GPHN: variants seen among roughly 807,000 people sequenced by gnomAD.
The protein encoded by GPHN is gephyrin.
Under a neutral mutation model 95.5 loss-of-function variants are expected in GPHN, and 17 were observed. The ratio of observed to expected loss-of-function variants is 0.18; its 90% CI spans 0.12 to 0.27. The LOEUF (loss-of-function observed/expected upper bound fraction) is 0.27, where lower values mean the gene tolerates loss of function less well. GPHN is among the 10% of genes least tolerant of loss of function. GPHN has a pLI of 1.00. For synonymous variants in GPHN, 320 were observed against 322.5 expected (o/e 0.99, Z 0.08); for missense variants, 660 against 978.1 (o/e 0.67, Z 4.34).
the GPHN span, among the ~76,000 whole-genome samples, chr14:67,284,675 C>T: frequency 6.8e-6 from 1 of 147,108 alleles, no homozygotes; most frequent in African/African-American, 2.5e-5. Flanking sequence ...TGGCCCTTGA[C>T]AACCACGAAT....
intron 1 of GPHN, among the ~76,000 whole-genome samples, chr14:66,611,801 A>G (rs2062792914): frequency 6.6e-6 from 1 of 152,136 alleles, no homozygotes; most frequent in South Asian, 2.1e-4. Flanking sequence ...TCTCCCTATC[A>G]TTGCCCTGTT....
chr14:66,937,461 A>T (rs1567125014), intron 8 of GPHN, among the ~76,000 whole-genome samples: 1 of 151,552 alleles, frequency 6.6e-6, no homozygotes, highest in Non-Finnish European at 1.5e-5. Context: ...GCTCACTGCA[A>T]CCTCCACTTC....
chr14:67,326,042 G>A, the GPHN span, among the ~76,000 whole-genome samples: 2 of 142,650 alleles, frequency 1.4e-5, no homozygotes, highest in African/African-American at 2.7e-5. Context: ...AGCCAGGATG[G>A]TCTCGATCTC....
intron 12 of GPHN, among the ~76,000 whole-genome samples, chr14:67,092,297 T>C (rs925801332): frequency 2.0e-5 from 3 of 152,060 alleles, no homozygotes; most frequent in African/African-American, 7.2e-5. Context: ...CCAGGCAGTG[T>C]TTTGGTAAAG....
chr14:67,301,014 C>T, the GPHN span, among the ~76,000 whole-genome samples: 2 of 152,028 alleles, frequency 1.3e-5, no homozygotes, highest in Non-Finnish European at 2.9e-5. Context: ...TTTAAGTTGT[C>T]ATCTCTGATT....
chr14:66,900,916 T>A (rs2065096795), intron 5 of GPHN, among the ~76,000 whole-genome samples: 1 of 152,040 alleles, frequency 6.6e-6, no homozygotes, highest in African/African-American at 2.4e-5. Flanking sequence ...GCAGTGCAAT[T>A]GCTGGATCGT....
chr14:67,719,138 A>G, the GPHN span, among the ~76,000 whole-genome samples: 1 of 152,248 alleles, frequency 6.6e-6, no homozygotes, highest in South Asian at 2.1e-4. Flanking sequence ...TGGAGGGTAC[A>G]ATACAGAGGT....
the GPHN span, among the ~76,000 whole-genome samples, chr14:67,705,099 G>A: frequency 6.6e-6 from 1 of 152,190 alleles, no homozygotes; most frequent in Non-Finnish European, 1.5e-5. Context: ...CAAATGTGAG[G>A]ATCAATCTGG....
chr14:67,474,760 GTC>G, the GPHN span, among the ~76,000 whole-genome samples: 1 of 152,022 alleles, frequency 6.6e-6, no homozygotes, highest in Admixed American at 6.6e-5. Context: ...TCTATTTTCT[GTC>G]TCTATGAATT....
chr14:66,977,202 C>T (rs994153737), intron 9 of GPHN, among the ~76,000 whole-genome samples: 2 of 152,040 alleles, frequency 1.3e-5, no homozygotes, highest in African/African-American at 2.4e-5. Context: ...GAGGCCGAGG[C>T]GGATGGATCA....
chr14:67,444,650 A>T, the GPHN span, among the ~76,000 whole-genome samples: 1 of 152,216 alleles, frequency 6.6e-6, no homozygotes. Flanking sequence ...TAGCATCAAG[A>T]TGGGGGCTGG....
intron 11 of GPHN, 51 bp from the exon 12 acceptor site, chr14:67,088,932 C>A: frequency 9.8e-7 from 1 of 1,017,846 alleles, no homozygotes; most frequent in Non-Finnish European, 1.6e-6. Context: ...TGACTGCCTG[C>A]TTACCCATTG....
At chr14:67,165,414 A>G (rs575234812) in intron 20 of GPHN, among the ~76,000 whole-genome samples, 188 bp downstream of exon 20, 8 of 152,336 alleles carry the variant, frequency 5.3e-5, no homozygotes, top group Non-Finnish European at 7.3e-5. Context: ...TATCTACTTC[A>G]TAGGGTTGGT....
chr14:67,003,857 T>C (rs964027195), intron 9 of GPHN, among the ~76,000 whole-genome samples: 5 of 151,702 alleles, frequency 3.3e-5, no homozygotes, highest in Non-Finnish European at 5.9e-5. Flanking sequence ...AAACAAGATA[T>C]AGATCTTTGA....
chr14:67,200,552 A>T, the GPHN span: 24 of 223,218 alleles, frequency 1.1e-4, no homozygotes, highest in African/African-American at 5.4e-4. Context: ...CTCCTTGTTT[A>T]AAAAAAAATG....
the GPHN span, among the ~76,000 whole-genome samples, chr14:67,310,519 G>T: frequency 2.0e-5 from 3 of 152,144 alleles, no homozygotes; most frequent in Admixed American, 1.3e-4. Context: ...TATGATGGTT[G>T]TTGATTTGGA....
chr14:67,722,813 G>T, the GPHN span: 1 of 997,986 alleles, frequency 1.0e-6, no homozygotes, highest in East Asian at 2.4e-5. Context: ...GCTGACAGAG[G>T]AGAAAGTCAG....
chr14:67,524,775 T>G, the GPHN span, among the ~76,000 whole-genome samples: 1 of 152,170 alleles, frequency 6.6e-6, no homozygotes, highest in African/African-American at 2.4e-5. Context: ...ACAGTGTAAT[T>G]GCTTTGAAGA....
intron 2 of GPHN, among the ~76,000 whole-genome samples, chr14:66,734,922 C>T (rs1177092888): frequency 1.3e-5 from 2 of 152,204 alleles, no homozygotes; most frequent in African/African-American, 4.8e-5. Flanking sequence ...AGATAATTTA[C>T]ATTTAATACT....
Sources: allele counts gnomAD v4.1 joint callset (sites outside exome capture counted in the v4.1 genomes callset), GRCh38; gene constraint gnomAD v4.1.1; transcripts MANE v1.5; gene names NCBI Gene and HGNC (gene_info 2026-07-23, HGNC 2026-07-21).